ARHGEF28: variants seen among roughly 807,000 people sequenced by gnomAD.
ARHGEF28 encodes Rho guanine nucleotide exchange factor 28, also known as 190 kDa guanine nucleotide exchange factor.
A neutral mutation model predicts 206.6 loss-of-function variants in ARHGEF28; 152 were observed. The ratio of observed to expected loss-of-function variants is 0.74; its 90% confidence interval spans 0.64 to 0.84. ARHGEF28 has a LOEUF of 0.84. Ranked by LOEUF, ARHGEF28 falls within the 40% of genes least tolerant of loss-of-function variation. The pLI, the probability that ARHGEF28 is intolerant of heterozygous loss-of-function variation, is 0.00. For missense variants in ARHGEF28, 2,028 were observed against 2,073.2 expected, an observed-to-expected ratio of 0.98 and a Z score of 0.42; for synonymous variants, 763 against 776.4, an observed-to-expected ratio of 0.98 and a Z score of 0.29.
chr5:73,828,675 C>CCTTT (rs764286159), intron 9 of ARHGEF28, among the ~76,000 whole-genome samples: 2 of 137,002 alleles, frequency 1.5e-5, no homozygotes, highest in Non-Finnish European at 3.2e-5. Context: ...CTTTCCTTTT[C>CCTTT]CTTTCTTTCT....
At chr5:73,774,085 G>T in intron 5 of ARHGEF28, 47 bp downstream of exon 5, 2 of 1,485,230 alleles carry the variant, frequency 1.3e-6, no homozygotes, top group Non-Finnish European at 9.0e-7. Context: ...TATAAAGTCG[G>T]CCAAGCATTA....
chr5:73,828,964 G>C (rs1561436069), intron 9 of ARHGEF28, among the ~76,000 whole-genome samples: 1 of 152,110 alleles, frequency 6.6e-6, no homozygotes, highest in African/African-American at 2.4e-5. Context: ...GGGACTACAG[G>C]TGTGCACCAC....
intron 14 of ARHGEF28, among the ~76,000 whole-genome samples, chr5:73,856,948 C>T (rs982365007): frequency 5.9e-5 from 9 of 152,078 alleles, no homozygotes; most frequent in African/African-American, 2.2e-4. Flanking sequence ...CTTTCATAGT[C>T]TGCATATGTT....
chr5:73,813,273 G>C lies in ARHGEF28; in HGVS notation c.1024+17882G>C, dbSNP rs573318463. Among the ~76,000 whole-genome samples the C allele has an allele frequency of 4.6e-5, 7 of 152,224 alleles. No individual in the cohort carries two copies. In the South Asian group the frequency reaches 1.5e-3, roughly 32 times the overall value. On this transcript the variant is annotated intron_variant, in intron 9 of 35. Transcript: ENST00000513042. The stretch of plus-strand genomic sequence containing the variant: ...CAGCAACCAGAAGAGGGGAGTTAAT[G>C]ATTCATTTGCTCCCAATGACCTTTT...
chr5:73,906,019 A>G (rs1030449489), intron 33 of ARHGEF28, among the ~76,000 whole-genome samples: 6 of 152,214 alleles, frequency 3.9e-5, no homozygotes, highest in Non-Finnish European at 8.8e-5. Context: ...AATGAAGCCT[A>G]AGTTTTCAGC....
intron 4 of ARHGEF28, among the ~76,000 whole-genome samples, chr5:73,769,056 T>C (rs967183531): frequency 2.6e-5 from 4 of 152,316 alleles, no homozygotes; most frequent in Middle Eastern, 6.8e-3. Flanking sequence ...TCCCTAGCCA[T>C]ATGGAACTGT....
At chr5:73,640,531 A>G (rs1744011677) in intron 1 of ARHGEF28, among the ~76,000 whole-genome samples, 1 of 152,222 alleles carries the variant, frequency 6.6e-6, no homozygotes, top group East Asian at 1.9e-4. Flanking sequence ...TTTAAAAATT[A>G]AACAAAAAAG....
chr5:73,871,661 T>G (rs1262929320), intron 21 of ARHGEF28, among the ~76,000 whole-genome samples: 1 of 152,166 alleles, frequency 6.6e-6, no homozygotes, highest in Non-Finnish European at 1.5e-5. Flanking sequence ...AATCTAGTAG[T>G]TTTTAGTATA....
intron 10 of ARHGEF28, among the ~76,000 whole-genome samples, chr5:73,840,109 A>G (rs1319360193): frequency 6.6e-6 from 1 of 152,204 alleles, no homozygotes. Flanking sequence ...GAACAAAAAC[A>G]TATAAAATAA....
At chr5:73,813,910 T>TAA (rs76466396) in intron 9 of ARHGEF28, among the ~76,000 whole-genome samples, 3,947 of 138,720 alleles carry the variant, frequency 0.028, 70 homozygotes, top group South Asian at 0.066. Flanking sequence ...CAATTCTCTT[T>TAA]AAAAAAAAAA....
At chr5:73,843,572 T>C (rs1446102959) in intron 11 of ARHGEF28, among the ~76,000 whole-genome samples, 2 of 152,292 alleles carry the variant, frequency 1.3e-5, no homozygotes, top group African/African-American at 4.8e-5. Context: ...TGGAAACCTC[T>C]AATGAAGGAG....
chr5:73,835,047 G>A (rs1757537489), intron 10 of ARHGEF28: 2 of 152,202 alleles, frequency 1.3e-5, no homozygotes, highest in Non-Finnish European at 2.9e-5. Flanking sequence ...GGCCAAGGCA[G>A]GGTTACAGGA....
At position 73,688,945 on chromosome 5, in the gene ARHGEF28, C is replaced by T. The variant is rs952578232; in HGVS notation, c.33+4061C>T. Among the ~76,000 whole-genome samples, 13 of 152,242 alleles carry T rather than the reference C, an allele frequency of 8.5e-5. 1 individual carries two copies. Among genetic ancestry groups the T allele is most frequent in the East Asian group, 3.8e-4 (2 of 5,204 alleles). On this transcript the variant is annotated intron_variant, in intron 2 of 35. Transcript: ENST00000513042. ...CTGGGATTACAGGTGTGAGCCATCACACCAGGCCAATAATGTTTATCTTTG... is the reference window on the plus strand; with the variant it reads ...CTGGGATTACAGGTGTGAGCCATCATACCAGGCCAATAATGTTTATCTTTG...
intron 7 of ARHGEF28, among the ~76,000 whole-genome samples, chr5:73,787,504 A>G (rs1383295205): frequency 6.6e-6 from 1 of 152,096 alleles, no homozygotes; most frequent in Non-Finnish European, 1.5e-5. Context: ...CGTCATCTAC[A>G]TTAGGTATTT....
chr5:73,837,694 G>C (rs77660130), intron 10 of ARHGEF28, among the ~76,000 whole-genome samples: 4 of 149,904 alleles, frequency 2.7e-5, no homozygotes, highest in Non-Finnish European at 5.9e-5. Flanking sequence ...ATTTTCTTTC[G>C]TTCTCTTTCT....
intron 35 of ARHGEF28, among the ~76,000 whole-genome samples, chr5:73,925,510 A>C (rs975463905): frequency 6.6e-6 from 1 of 152,208 alleles, no homozygotes. Context: ...CATAATTTAC[A>C]TAGGGGGAAA....
intron 35 of ARHGEF28, among the ~76,000 whole-genome samples, chr5:73,930,859 C>A (rs1292185901): frequency 6.6e-6 from 1 of 152,160 alleles, no homozygotes; most frequent in Non-Finnish European, 1.5e-5. Flanking sequence ...GTCCTCTGTA[C>A]TTCTGTTCCA....
chr5:73,721,000 C>A (rs1372769015), intron 2 of ARHGEF28, among the ~76,000 whole-genome samples: 2 of 152,184 alleles, frequency 1.3e-5, no homozygotes, highest in Non-Finnish European at 2.9e-5. Context: ...AAGCTCATTC[C>A]ATTCATCATT....
intron 2 of ARHGEF28, among the ~76,000 whole-genome samples, chr5:73,700,353 CT>C (rs1748520969): frequency 6.6e-6 from 1 of 152,134 alleles, no homozygotes; most frequent in African/African-American, 2.4e-5. Context: ...TATATACACA[CT>C]TTTCTACTGT....
Sources: allele counts gnomAD v4.1 joint callset (sites outside exome capture counted in the v4.1 genomes callset), GRCh38; gene constraint gnomAD v4.1.1; transcripts MANE v1.5; gene names NCBI Gene and HGNC (gene_info 2026-07-23, HGNC 2026-07-21).